CACNA1I: variants seen among roughly 807,000 people sequenced by gnomAD.
CACNA1I encodes voltage-dependent T-type calcium channel subunit alpha-1I.
A neutral mutation model predicts 201.6 loss-of-function variants in CACNA1I; 74 were observed. That is an observed-to-expected ratio of 0.37 (90% confidence interval 0.30 to 0.45). The LOEUF (loss-of-function observed/expected upper bound fraction) is 0.45, where lower values mean the gene tolerates loss of function less well. CACNA1I is among the 20% of genes least tolerant of loss of function. The probability of loss-of-function intolerance (pLI) is 1.00; values close to 1 mark genes in which losing one functional copy is unlikely to be tolerated. For missense variants in CACNA1I, 2,346 were observed against 3,138.1 expected, an observed-to-expected ratio of 0.75 and a Z score of 6.03; for synonymous variants, 1,431 against 1,345.2, an observed-to-expected ratio of 1.06 and a Z score of -1.40.
intron 1 of CACNA1I, among the ~76,000 whole-genome samples, chr22:39,596,480 AGCAGGATGGAGAGAGATGGGGG>A (rs1421987677): frequency 2.0e-4 from 3 of 15,132 alleles, no homozygotes; most frequent in South Asian, 2.9e-3. Flanking sequence ...GAGATGGGGG[AGCAGGATGGAGAGAGATGGGGG>A]GCAGGGTGGA....
intron 1 of CACNA1I, among the ~76,000 whole-genome samples, chr22:39,575,383 A>T (rs955956808): frequency 6.6e-6 from 1 of 152,188 alleles, no homozygotes; most frequent in African/African-American, 2.4e-5. Flanking sequence ...ACAGTGTGAC[A>T]GTGGAGTTTG....
Position 39,665,030 on chromosome 22 carries a change from CTCCAATAGTGAGTGCCA to C in CACNA1I, c.3851+108_3851+124del. On this transcript the variant is annotated intron_variant, in intron 21 of 36. Coordinates refer to ENST00000402142, the MANE Select transcript of CACNA1I (RefSeq NM_021096.4). This position sits in a 1 kb window ranked among gnomAD's most constrained non-coding sequence, Gnocchi z 5.5. ...GCCCTCCCCGCCCGCCCACTCGGTC[CTCCAATAGTGAGTGCCA>C]AACACCCTGAGCTGTTCCCGGGGGA... is the stretch of plus-strand genomic sequence containing the variant. 1 of 1,043,528 alleles carries C rather than the reference CTCCAATAGTGAGTGCCA, an allele frequency of 9.6e-7. No individual in the cohort carries two copies. The highest frequency in any genetic ancestry group is 1.5e-5 in the South Asian group (1 of 66,152). The allele number at this position is 1,043,528 out of a possible 1,614,324, so 64.6% of individuals were successfully genotyped here.
intron 26 of CACNA1I, among the ~76,000 whole-genome samples, chr22:39,671,385 T>A (rs1398325242): frequency 1.3e-5 from 2 of 152,196 alleles, no homozygotes; most frequent in Non-Finnish European, 2.9e-5. Flanking sequence ...CCCAAATTAC[T>A]CAGCCATAGG....
chr22:39,617,951 C>A lies in CACNA1I; in HGVS notation c.483-1359C>A, dbSNP rs556034165. ...GTCTCTGTCACTTTTTTGGGTCACT[C>A]CCCCTCATCTGAATTTATGCTTGAG... On this transcript the variant is annotated intron_variant, in intron 3 of 36. Coordinates refer to ENST00000402142, the MANE Select transcript of CACNA1I (RefSeq NM_021096.4). Among the ~76,000 whole-genome samples, 284 of 151,310 alleles carry A rather than the reference C, an allele frequency of 1.9e-3. 1 individual carries two copies. Among genetic ancestry groups the A allele is most frequent in the African/African-American group, 6.7e-3 (275 of 41,138 alleles).
chr22:39,660,379 G>A lies in CACNA1I; in HGVS notation c.2640G>A (p.Gln880=), dbSNP rs760569453. The part of the protein sequence containing the change: ...DANRSYSDED[Q]SSSNIEEFDK... The stretch of plus-strand genomic sequence containing the variant: ...ATCGCTCCTACTCGGACGAGGACCA[G>A]AGCTCATCCAACATAGAAGAGTTTG... Residue 880 remains glutamine (Q), a synonymous_variant, in exon 15 of 37, where the codon CAG becomes CAA. Transcript: ENST00000402142. 3.1e-6 allele frequency: 5 copies of A among 1,612,880 alleles called. No individual in the cohort carries two copies. The highest frequency in any genetic ancestry group is 4.2e-6 in the Non-Finnish European group (5 of 1,179,744).
chr22:39,587,788 T>A (rs1465801784), intron 1 of CACNA1I: 2 of 435,778 alleles, frequency 4.6e-6, no homozygotes, highest in African/African-American at 4.1e-5. Context: ...ATTATTATTA[T>A]TTTTTGAGAC....
At chr22:39,607,154 T>G (rs1030518769) in intron 3 of CACNA1I, among the ~76,000 whole-genome samples, 4 of 152,186 alleles carry the variant, frequency 2.6e-5, no homozygotes, top group Non-Finnish European at 5.9e-5. Context: ...ATGGCTGATG[T>G]GGGCCCTGTC....
At chr22:39,644,802 C>A (rs890380272) in intron 7 of CACNA1I, among the ~76,000 whole-genome samples, 4 of 152,182 alleles carry the variant, frequency 2.6e-5, no homozygotes, top group African/African-American at 9.7e-5. Context: ...ATCATCCCCC[C>A]TCAGCTTCCT....
rs58500586 is a variant in CACNA1I, at chr22:39,663,823, G to T, written c.3579G>T (p.Gln1193His). ...NCITIALERP[Q>H]IEAGSTERIF... Reference sequence around the variant, plus strand: ...TCACCATCGCCCTGGAGCGGCCTCAGATCGAGGCCGGCAGCACCGTGAGTG... The same window carrying T: ...TCACCATCGCCCTGGAGCGGCCTCATATCGAGGCCGGCAGCACCGTGAGTG... The change falls in exon 19 of 37, where the codon CAG becomes CAT. Residue 1193 changes from glutamine to histidine, a missense_variant. Gln to His is a conservative substitution (Grantham distance 24). Coordinates refer to ENST00000402142, the MANE Select transcript of CACNA1I (RefSeq NM_021096.4). 3 of 1,613,676 alleles carry T rather than the reference G, an allele frequency of 1.9e-6. No individual in the cohort carries two copies. In the South Asian group the frequency reaches 3.3e-5, roughly 18 times the overall value.
At chr22:39,596,793 C>A (rs1287546113) in intron 1 of CACNA1I, among the ~76,000 whole-genome samples, 4 of 152,054 alleles carry the variant, frequency 2.6e-5, no homozygotes, top group Admixed American at 2.6e-4. Flanking sequence ...GGTTCAGAGA[C>A]AAGGAGGGGC....
In CACNA1I at chr22:39,622,270, T is replaced by C. The variant is rs12159590; in HGVS notation, c.580+2863T>C. Among the ~76,000 whole-genome samples, 30 of 151,506 alleles carry C rather than the reference T, an allele frequency of 2.0e-4. 1 individual carries two copies. Among genetic ancestry groups the C allele is most frequent in the African/African-American group, 7.3e-4 (30 of 41,188 alleles). Reference sequence around the variant, plus strand: ...GACCACAGAGCTATACATGCTCCTGTGCCGGGCATGAGGAGGCAGGGAGAA... The same window carrying C: ...GACCACAGAGCTATACATGCTCCTGCGCCGGGCATGAGGAGGCAGGGAGAA... On this transcript the variant is annotated intron_variant, in intron 4 of 36. Transcript: ENST00000402142.
chr22:39,650,219 C>T (rs1934607943), intron 10 of CACNA1I, among the ~76,000 whole-genome samples: 1 of 151,854 alleles, frequency 6.6e-6, no homozygotes, highest in South Asian at 2.1e-4. Flanking sequence ...GCCTGGATAC[C>T]AAGGCAACCA....
Position 39,641,070 on chromosome 22 carries a change from T to A in CACNA1I, c.944T>A (p.Leu315His), listed in dbSNP as rs760259707. 1.8e-5 allele frequency: 29 copies of A among 1,614,052 alleles called. No individual in the cohort carries two copies. Among genetic ancestry groups the A allele is most frequent in the Non-Finnish European group, 2.5e-5 (29 of 1,179,900 alleles). Residue 315 changes from leucine to histidine, a missense_variant, in exon 6 of 37, where the codon CTC (leucine) becomes CAC (histidine). By Grantham distance (99) the Leu-to-His change is moderately conservative. This residue lies in a region of CACNA1I where 227 missense variants were observed against 412.5 expected (regional missense o/e 0.55). Transcript: ENST00000402142. ...CGCCAGGACCTCAATGCCAGCGGCCTCTGTGTCAACTGGAACCGTTACTAC... is the reference window on the plus strand; with the variant it reads ...CGCCAGGACCTCAATGCCAGCGGCCACTGTGTCAACTGGAACCGTTACTAC... Reference protein sequence around the residue: ...AGRQDLNASGLCVNWNRYYNV... With the variant: ...AGRQDLNASGHCVNWNRYYNV...
intron 1 of CACNA1I, among the ~76,000 whole-genome samples, chr22:39,588,127 C>CT (rs1569049152): frequency 2.4e-5 from 2 of 82,200 alleles, no homozygotes; most frequent in African/African-American, 8.9e-5. Context: ...AGTTGCTCTT[C>CT]ATTTTTTTTT....
intron 1 of CACNA1I, among the ~76,000 whole-genome samples, chr22:39,579,643 A>G (rs1932484774): frequency 8.2e-6 from 1 of 122,636 alleles, no homozygotes. Flanking sequence ...AGGCTCTTTC[A>G]AGCTCTTTTT....
intron 29 of CACNA1I, 115 bp downstream of exon 29, chr22:39,674,148 GC>G: frequency 1.0e-6 from 1 of 965,582 alleles, no homozygotes; most frequent in Non-Finnish European, 1.6e-6. Context: ...CAGGGCAGAT[GC>G]TGTCTCTGGG....
At chr22:39,589,194 A>G (rs1287397016) in intron 1 of CACNA1I, among the ~76,000 whole-genome samples, 2 of 151,702 alleles carry the variant, frequency 1.3e-5, no homozygotes, top group African/African-American at 4.8e-5. Flanking sequence ...CCACCACCCT[A>G]CCCCATTCTT....
rs903334318 is a variant in CACNA1I, at chr22:39,689,470, A to T, written c.*3065A>T. ...CACATACTCTTTTTTGTCTTTGTGC[A>T]ATAATCAGTGTTCCTGGCAGAGCCT... On this transcript the variant is annotated 3_prime_UTR_variant, in exon 37 of 37. Transcript: ENST00000402142. 1 of 152,736 alleles carries T rather than the reference A, an allele frequency of 6.5e-6. No individual in the cohort carries two copies. Among genetic ancestry groups the T allele is most frequent in the Non-Finnish European group, 1.5e-5 (1 of 68,096 alleles). The allele number at this position is 152,736 out of a possible 1,614,324, so 9.5% of individuals were successfully genotyped here. A position where few individuals can be genotyped will look rare whatever the true frequency, so the allele number is the denominator to read the frequency against.
chr22:39,642,836 G>A lies in CACNA1I; in HGVS notation c.1096G>A (p.Val366Met), dbSNP rs1934384566. Residue 366 changes from valine to methionine, a missense_variant, in exon 7 of 37, where the codon GTG (valine) becomes ATG (methionine). Coordinates refer to ENST00000402142, the MANE Select transcript of CACNA1I (RefSeq NM_021096.4). ...LEGWVEIMYY[V>M]MDAHSFYNFI... ...AGGCTGGGTGGAGATCATGTACTAC[G>A]TGATGGATGCTCACTCCTTCTACAA... The A allele has an allele frequency of 2.5e-6, 4 of 1,611,868 alleles. No individual in the cohort carries two copies. Among genetic ancestry groups the A allele is most frequent in the Non-Finnish European group, 3.4e-6 (4 of 1,178,918 alleles).
Sources: gnomAD v4.1 joint callset for allele counts (sites outside exome capture counted in the v4.1 genomes callset) on GRCh38, gnomAD v4.1.1 for gene constraint, gnomAD v4.1.1 regional missense constraint, Gnocchi (gnomAD v3.1) non-coding constraint, MANE v1.5 for transcripts, NCBI Gene and HGNC (gene_info 2026-07-23, HGNC 2026-07-21) for gene names.